SYNE1: variants seen among roughly 807,000 people sequenced by gnomAD.
The protein encoded by SYNE1 is spectrin repeat containing nuclear envelope protein 1.
A neutral mutation model predicts 1,111.0 loss-of-function variants in SYNE1; 616 were observed. That is an observed-to-expected ratio of 0.55 (90% CI 0.52 to 0.59). The LOEUF (loss-of-function observed/expected upper bound fraction) is 0.59, where lower values mean the gene tolerates loss of function less well. SYNE1 is among the 20% of genes least tolerant of loss of function. The pLI, the probability that SYNE1 is intolerant of heterozygous loss-of-function variation, is 0.00. For synonymous variants in SYNE1, 3,855 were observed against 3,825.8 expected (o/e 1.01, Z -0.28); for missense variants, 10,006 against 10,417.0 (o/e 0.96, Z 1.72).
chr6:152,271,079 T>C (rs936493458), intron 98 of SYNE1, among the ~76,000 whole-genome samples: 5 of 152,152 alleles, frequency 3.3e-5, no homozygotes, highest in Admixed American at 2.6e-4. Flanking sequence ...CTGCCCCTGG[T>C]TGTTCTTTGC....
Position 152,330,135 on chromosome 6 carries a change from A to C in SYNE1, c.14550T>G (p.Ala4850=). 6.2e-7 allele frequency: 1 copy of C among 1,614,182 alleles called. No individual in the cohort carries two copies. Among genetic ancestry groups the C allele is most frequent in the South Asian group, 1.1e-5 (1 of 91,088 alleles). ...GGATCTGATGCCTGGCTTTCTCATA[A>C]GCCAAGGGGTCAAGGTGTGGGGCAA... The part of the protein sequence containing the change: ...EDLAPHLDPL[A]YEKARHQIQS... The change falls in exon 78 of 146, where the codon GCT becomes GCG. Residue 4850 remains alanine (A), a synonymous_variant. Coordinates refer to ENST00000367255, the MANE Select transcript of SYNE1 (RefSeq NM_182961.4).
intron 93 of SYNE1, among the ~76,000 whole-genome samples, chr6:152,297,976 ATAAC>A (rs1562877067): frequency 2.6e-5 from 4 of 152,226 alleles, no homozygotes; most frequent in East Asian, 3.8e-4. Context: ...AGTACTATAA[ATAAC>A]TACTAAAGTC....
At chr6:152,399,415 A>G (rs1339106986) in intron 48 of SYNE1, among the ~76,000 whole-genome samples, 1 of 152,226 alleles carries the variant, frequency 6.6e-6, no homozygotes, top group African/African-American at 2.4e-5. Flanking sequence ...TGGGAAAAAG[A>G]GGAAAAAGAA....
chr6:152,184,119 GA>G (rs1337981182), intron 128 of SYNE1, among the ~76,000 whole-genome samples: 1 of 152,172 alleles, frequency 6.6e-6, no homozygotes, highest in Non-Finnish European at 1.5e-5. Context: ...TAATATTAGA[GA>G]AATAAGAGAG....
chr6:152,210,507 A>G (rs2077329205), intron 124 of SYNE1, among the ~76,000 whole-genome samples: 1 of 152,190 alleles, frequency 6.6e-6, no homozygotes, highest in Non-Finnish European at 1.5e-5. Flanking sequence ...CTGTTGTTCC[A>G]AGCTTAACCA....
At chr6:152,176,616 C>A in intron 129 of SYNE1, 56 bp from the exon 130 acceptor site, 1 of 1,525,570 alleles carries the variant, frequency 6.6e-7, no homozygotes, top group Admixed American at 1.7e-5. Flanking sequence ...ATACATCCAG[C>A]CCAGCTCTAC....
At chr6:152,521,494 T>C (rs2099139307) in intron 5 of SYNE1, among the ~76,000 whole-genome samples, 1 of 152,210 alleles carries the variant, frequency 6.6e-6, no homozygotes, top group African/African-American at 2.4e-5. Flanking sequence ...TGCTAATCTG[T>C]ATCCTCTCCA....
At chr6:152,617,793 G>A (rs2099662882) in intron 3 of SYNE1, among the ~76,000 whole-genome samples, 1 of 152,194 alleles carries the variant, frequency 6.6e-6, no homozygotes, top group African/African-American at 2.4e-5. Flanking sequence ...TATTAGGAAA[G>A]GCTTCACAGA....
intron 127 of SYNE1, among the ~76,000 whole-genome samples, chr6:152,190,672 A>AT (rs1178628191): frequency 2.6e-5 from 4 of 152,138 alleles, no homozygotes; most frequent in Non-Finnish European, 5.9e-5. Flanking sequence ...ATACTTTTCT[A>AT]TTTTTTGTAA....
rs762574786 is a variant in SYNE1, at chr6:152,416,471, T to C, written c.5966A>G (p.Glu1989Gly). Reference protein sequence around the residue: ...LKKAFQDQKEELLKSIEDIEE... With the variant: ...LKKAFQDQKEGLLKSIEDIEE... ...AATGTCCTCAATGCTTTTCAGAAGCTCCTCTTTCTGGTCTTGGAATGCTTT... is the reference window on the plus strand; with the variant it reads ...AATGTCCTCAATGCTTTTCAGAAGCCCCTCTTTCTGGTCTTGGAATGCTTT... Residue 1989 changes from glutamate (E) to glycine (G), a missense_variant, in exon 41 of 146, where the codon GAG (glutamate) becomes GGG (glycine). Glu to Gly is a moderately conservative substitution (Grantham distance 98). Coordinates refer to ENST00000367255, the MANE Select transcript of SYNE1 (RefSeq NM_182961.4). The C allele has an allele frequency of 1.7e-5, 28 of 1,614,016 alleles. No individual in the cohort carries two copies. The South Asian group carries it at 2.5e-4, about 15-fold the overall frequency.
chr6:152,478,208 T>A (rs931011306), intron 14 of SYNE1, among the ~76,000 whole-genome samples: 1 of 152,052 alleles, frequency 6.6e-6, no homozygotes, highest in Admixed American at 6.6e-5. Context: ...AAAAGCTTGA[T>A]TGGAATGGAT....
chr6:152,304,149 A>G (rs2095300856), intron 91 of SYNE1, among the ~76,000 whole-genome samples: 2 of 152,188 alleles, frequency 1.3e-5, no homozygotes, highest in Non-Finnish European at 2.9e-5. Context: ...ACAGTGATTG[A>G]ATAGCTATTT....
At position 152,230,696 on chromosome 6, in the gene SYNE1, G is replaced by T; in HGVS notation, c.21046C>A (p.Leu7016Met). The T allele has an allele frequency of 6.2e-7, 1 of 1,613,824 alleles. No homozygotes were observed. Among genetic ancestry groups the T allele is most frequent in the East Asian group, 2.2e-5 (1 of 44,850 alleles). The stretch of plus-strand genomic sequence containing the variant: ...CAAGATTCCAATAAGCCTTCCAACA[G>T]CTGGATCTGAACAAACACAATAAAA... Reference protein sequence around the residue: ...LQGLVTEKIQLLEGLLESWSE... With the variant: ...LQGLVTEKIQMLEGLLESWSE... The change falls in exon 115 of 146, where the codon CTG (leucine) becomes ATG (methionine). Residue 7016 changes from leucine to methionine, a missense_variant. Around this residue, in one of 7 missense-constraint regions of SYNE1, gnomAD observed 2,182 missense variants for 2,287.8 expected, o/e 0.95. Transcript: ENST00000367255.
chr6:152,465,106 G>T, intron 18 of SYNE1, 152 bp downstream of exon 18: 1 of 793,724 alleles, frequency 1.3e-6, no homozygotes, highest in Non-Finnish European at 2.1e-6. Flanking sequence ...TTATTGGTCT[G>T]TTGCTAACCT....
chr6:152,464,242 C>A (rs533117868), intron 18 of SYNE1, among the ~76,000 whole-genome samples: 4 of 152,144 alleles, frequency 2.6e-5, no homozygotes, highest in African/African-American at 4.8e-5. Context: ...TGTGTGCACA[C>A]GCACACACAC....
Position 152,429,969 on chromosome 6 carries a change from C to A in SYNE1, c.4788+143G>T, listed in dbSNP as rs1031062347. 5.4e-5 allele frequency: 35 copies of A among 648,638 alleles called. 1 individual carries two copies. The highest frequency in any genetic ancestry group is 2.4e-5 in the Admixed American group (1 of 42,136). The allele number at this position is 648,638 out of a possible 1,614,324, so 40.2% of individuals were successfully genotyped here. A position where few individuals can be genotyped will look rare whatever the true frequency, so the allele number is the denominator to read the frequency against. On this transcript the variant is annotated intron_variant, in intron 36 of 145. Coordinates refer to ENST00000367255, the MANE Select transcript of SYNE1 (RefSeq NM_182961.4). ...TGTCTTGGATTATATAAAGTGAATACATTAGATCTATATAATTACTCAACT... is the reference window on the plus strand; with the variant it reads ...TGTCTTGGATTATATAAAGTGAATAAATTAGATCTATATAATTACTCAACT...
intron 105 of SYNE1, among the ~76,000 whole-genome samples, 164 bp from the exon 106 acceptor site, chr6:152,244,820 G>A (rs1373944026): frequency 6.6e-6 from 1 of 152,152 alleles, no homozygotes; most frequent in Non-Finnish European, 1.5e-5. Flanking sequence ...CATGTTCAGA[G>A]GGTATATAGA....
chr6:152,526,961 A>G (rs1486404875), intron 4 of SYNE1, among the ~76,000 whole-genome samples: 2 of 152,224 alleles, frequency 1.3e-5, no homozygotes, highest in African/African-American at 4.8e-5. Flanking sequence ...ATTAGGGTCT[A>G]TCTTGGCTCA....
At chr6:152,390,978 T>C (rs2097607795) in intron 52 of SYNE1, among the ~76,000 whole-genome samples, 1 of 152,198 alleles carries the variant, frequency 6.6e-6, no homozygotes, top group Non-Finnish European at 1.5e-5. Flanking sequence ...GGGTCCTAAC[T>C]TTTATCTCTA....
Sources: gnomAD v4.1 joint callset for allele counts (sites outside exome capture counted in the v4.1 genomes callset) on GRCh38, gnomAD v4.1.1 for gene constraint, gnomAD v4.1.1 regional missense constraint, MANE v1.5 for transcripts, NCBI Gene and HGNC (gene_info 2026-07-23, HGNC 2026-07-21) for gene names.